The following PALM2AKAP2 variants were observed in gnomAD, a reference collection of about 807,000 sequenced individuals.
PALM2AKAP2 encodes the protein PALM2-AKAP2 fusion protein.
A neutral mutation model predicts 71.5 loss-of-function variants in PALM2AKAP2; 37 were observed. The ratio of observed to expected loss-of-function variants is 0.52; its 90% confidence interval spans 0.40 to 0.68. PALM2AKAP2 has a LOEUF of 0.68. PALM2AKAP2 is among the 30% of genes least tolerant of loss of function. The pLI, the probability that PALM2AKAP2 is intolerant of heterozygous loss-of-function variation, is 0.00. For missense variants in PALM2AKAP2, 1,224 were observed against 1,191.8 expected, an observed-to-expected ratio of 1.03 and a Z score of -0.40; for synonymous variants, 468 against 478.8, an observed-to-expected ratio of 0.98 and a Z score of 0.29.
At chr9:109,898,246 G>A (rs1053881971) in intron 3 of PALM2AKAP2, among the ~76,000 whole-genome samples, 2 of 152,174 alleles carry the variant, frequency 1.3e-5, no homozygotes, top group Admixed American at 6.5e-5. Flanking sequence ...CCTGCCCCAG[G>A]TTATAGCAAC....
intron 1 of PALM2AKAP2, among the ~76,000 whole-genome samples, chr9:109,849,516 G>A (rs1828951932): frequency 6.6e-6 from 1 of 152,190 alleles, no homozygotes; most frequent in Non-Finnish European, 1.5e-5. Flanking sequence ...GGGAGGCGAA[G>A]GTGGGTGGAT....
At chr9:109,749,510 T>C in intron 1 of PALM2AKAP2, among the ~76,000 whole-genome samples, 1 of 150,064 alleles carries the variant, frequency 6.7e-6, no homozygotes, top group Admixed American at 6.6e-5. Flanking sequence ...GTTGGCTATA[T>C]GTGAATTGCC....
intron 1 of PALM2AKAP2, among the ~76,000 whole-genome samples, chr9:109,707,322 T>G (rs1828160011): frequency 6.6e-6 from 1 of 152,016 alleles, no homozygotes; most frequent in Admixed American, 6.5e-5. Context: ...CCGCCTCCCA[T>G]TATAAAATGG....
chr9:109,836,838 A>G (rs1274669024), intron 1 of PALM2AKAP2, among the ~76,000 whole-genome samples: 1 of 152,230 alleles, frequency 6.6e-6, no homozygotes, highest in African/African-American at 2.4e-5. Flanking sequence ...AAAAAAGAGT[A>G]AAAAGAAATG....
intron 1 of PALM2AKAP2, among the ~76,000 whole-genome samples, chr9:109,735,479 G>A (rs868454116): frequency 1.6e-4 from 25 of 152,162 alleles, no homozygotes; most frequent in African/African-American, 5.5e-4. Flanking sequence ...GTCCTGCAGG[G>A]AGCTATGAGC....
intron 1 of PALM2AKAP2, among the ~76,000 whole-genome samples, chr9:110,120,697 G>T (rs1375166351): frequency 6.6e-6 from 1 of 152,232 alleles, no homozygotes; most frequent in Admixed American, 6.5e-5. Flanking sequence ...TAGAGACAAG[G>T]TTTCACCATG....
rs537497034 is a variant in PALM2AKAP2 at position 110,067,899 on chromosome 9, C to T, written c.156+19044C>T. ...TTTTATATTTGTCATTAAAAACAAA[C>T]ATGAAACTTGGAGGTTAATTTTGTC... On this transcript the variant is annotated intron_variant, in intron 1 of 3. Transcript: ENST00000374525. Among the ~76,000 whole-genome samples, 73 of 152,208 alleles carry T rather than the reference C, an allele frequency of 4.8e-4. 2 individuals are homozygous for T. Among genetic ancestry groups the T allele is most frequent in the African/African-American group, 1.7e-3 (71 of 41,520 alleles).
intron 1 of PALM2AKAP2, among the ~76,000 whole-genome samples, chr9:109,649,238 G>C (rs889289586): frequency 4.6e-5 from 7 of 151,720 alleles, no homozygotes; most frequent in Admixed American, 4.6e-4. Flanking sequence ...TATTTTCCCT[G>C]TGGCTTTCAA....
At chr9:109,820,368 A>G (rs762975124) in intron 1 of PALM2AKAP2, among the ~76,000 whole-genome samples, 3 of 152,114 alleles carry the variant, frequency 2.0e-5, no homozygotes, top group East Asian at 1.9e-4. Flanking sequence ...CCCCTCATGT[A>G]TGTCTGTCTG....
At chr9:109,767,291 A>G (rs1473271813) in intron 1 of PALM2AKAP2, among the ~76,000 whole-genome samples, 1 of 152,072 alleles carries the variant, frequency 6.6e-6, no homozygotes, top group Non-Finnish European at 1.5e-5. Flanking sequence ...TTGTCCAAAC[A>G]TTAGTTCCAT....
chr9:109,691,837 T>G (rs1385147922), intron 1 of PALM2AKAP2, among the ~76,000 whole-genome samples: 2 of 11,980 alleles, frequency 1.7e-4, no homozygotes, highest in East Asian at 3.8e-3. Flanking sequence ...AAAGACGATA[T>G]ATATATATAT....
chr9:109,743,074 T>G (rs1227148955), intron 1 of PALM2AKAP2, among the ~76,000 whole-genome samples: 1 of 152,188 alleles, frequency 6.6e-6, no homozygotes, highest in Non-Finnish European at 1.5e-5. Flanking sequence ...TTCAAGGAGC[T>G]GATTCCTTTT....
At chr9:109,642,997 A>T (rs954873231) in intron 1 of PALM2AKAP2, among the ~76,000 whole-genome samples, 3 of 151,752 alleles carry the variant, frequency 2.0e-5, no homozygotes, top group Admixed American at 6.6e-5. Context: ...GCACTGGGTG[A>T]CAGAGCAAAA....
At chr9:110,017,287 A>G (rs1408642277) in intron 7 of PALM2AKAP2, among the ~76,000 whole-genome samples, 1 of 152,224 alleles carries the variant, frequency 6.6e-6, no homozygotes, top group Non-Finnish European at 1.5e-5. Context: ...CTATGTTACA[A>G]ATGGTAGAGA....
At chr9:109,867,459 A>T (rs1162479047) in intron 1 of PALM2AKAP2, 32 bp from the exon 2 acceptor site, 1 of 1,607,814 alleles carries the variant, frequency 6.2e-7, no homozygotes, top group East Asian at 2.2e-5. Flanking sequence ...ACACCCACCC[A>T]CTCTTACAGC....
intron 1 of PALM2AKAP2, among the ~76,000 whole-genome samples, chr9:109,784,782 C>T (rs2795056): frequency 0.056 from 8,533 of 152,312 alleles, 344 homozygotes; most frequent in Non-Finnish European, 0.077. Flanking sequence ...CCCAAGATGG[C>T]GGCAGCGTCT....
chr9:109,887,050 A>C (rs1829980705), intron 3 of PALM2AKAP2, among the ~76,000 whole-genome samples: 1 of 152,250 alleles, frequency 6.6e-6, no homozygotes, highest in Non-Finnish European at 1.5e-5. Context: ...TGATTCTCTG[A>C]GTACCTGTGT....
At chr9:110,093,298 A>G (rs1343686659) in intron 1 of PALM2AKAP2, among the ~76,000 whole-genome samples, 1 of 152,164 alleles carries the variant, frequency 6.6e-6, no homozygotes, top group Non-Finnish European at 1.5e-5. Context: ...GAGATGTAAT[A>G]TTTTGGGAGG....
At chr9:110,003,457 G>T (rs1832720201) in intron 6 of PALM2AKAP2, among the ~76,000 whole-genome samples, 1 of 152,112 alleles carries the variant, frequency 6.6e-6, no homozygotes, top group South Asian at 2.1e-4. Flanking sequence ...CAACTATGTG[G>T]TCAATTTTGG....
Sources: gnomAD v4.1 joint callset for allele counts (sites outside exome capture counted in the v4.1 genomes callset) on GRCh38, gnomAD v4.1.1 for gene constraint, MANE v1.5 for transcripts, NCBI Gene and HGNC (gene_info 2026-07-23, HGNC 2026-07-21) for gene names.